Variants in MYH11 observed in about 807,000 individuals in gnomAD.
MYH11 encodes the protein myosin-11.
Under a neutral mutation model 246.6 loss-of-function variants are expected in MYH11, and 80 were observed. The observed-to-expected ratio is 0.32, with a 90% CI of 0.27 to 0.39. The LOEUF (loss-of-function observed/expected upper bound fraction) is 0.39. Ranked by LOEUF, MYH11 falls within the 10% of genes least tolerant of loss-of-function variation. The pLI, the probability that MYH11 is intolerant of heterozygous loss-of-function variation, is 1.00. For synonymous variants in MYH11, 1,071 were observed against 1,015.5 expected (o/e 1.05, Z -1.04); for missense variants, 2,158 against 2,546.8 (o/e 0.85, Z 3.29).
At chr16:15,802,070 G>A (rs939685312) in intron 3 of MYH11, among the ~76,000 whole-genome samples, 1 of 152,202 alleles carries the variant, frequency 6.6e-6, no homozygotes, top group African/African-American at 2.4e-5. Context: ...GGTTATGTTT[G>A]TGCTATGAAC....
chr16:15,760,535 A>C lies in MYH11; in HGVS notation c.1248+5T>G. ...TGGATGGATAAGTGATAAGTACATC[A>C]TTACCTGTTCTTTTGTCTGAGCTTT... On this transcript the variant is annotated splice_donor_5th_base_variant and intron_variant, in intron 11 of 40. Coordinates refer to ENST00000300036, the MANE Select transcript of MYH11 (RefSeq NM_002474.3). The C allele has an allele frequency of 6.3e-7, 1 of 1,589,436 alleles. No homozygotes were observed. Among genetic ancestry groups the C allele is most frequent in the Non-Finnish European group, 8.6e-7 (1 of 1,157,582 alleles).
chr16:15,802,310 T>G (rs1596865459), intron 3 of MYH11, among the ~76,000 whole-genome samples: 2 of 152,298 alleles, frequency 1.3e-5, no homozygotes, highest in Admixed American at 1.3e-4. Flanking sequence ...GCTCCTGGGG[T>G]GGGCACTGGC....
chr16:15,759,735 A>G lies in MYH11; in HGVS notation c.1249-7T>C, dbSNP rs370885351. The stretch of plus-strand genomic sequence containing the variant: ...CCTCTACAGCAAAGTCAGCCTGCAG[A>G]GGGCAACCAGGGGAACCCGGTTATT... On this transcript the variant is annotated splice_region_variant and splice_polypyrimidine_tract_variant and intron_variant, in intron 11 of 40. Transcript: ENST00000300036. 1.2e-5 allele frequency: 20 copies of G among 1,613,830 alleles called. No individual in the cohort carries two copies. Among genetic ancestry groups the G allele is most frequent in the Non-Finnish European group, 1.6e-5 (19 of 1,179,902 alleles).
At chr16:15,828,607 A>G (rs2151369908) in intron 2 of MYH11, among the ~76,000 whole-genome samples, 1 of 152,202 alleles carries the variant, frequency 6.6e-6, no homozygotes, top group Non-Finnish European at 1.5e-5. Context: ...AGCCTGGCCA[A>G]CATGGCAAAA....
Position 15,703,509 on chromosome 16 carries a change from G to T in MYH11, c.*482C>A. Reference sequence around the variant, plus strand: ...ATCCATTGATAGAACTGGAGGATGTGTCTGTGTTTCCTGTTGGGTTTTTCT... The same window carrying T: ...ATCCATTGATAGAACTGGAGGATGTTTCTGTGTTTCCTGTTGGGTTTTTCT... On this transcript the variant is annotated 3_prime_UTR_variant, in exon 41 of 41. Transcript: ENST00000300036. 1 of 291,002 alleles carries T rather than the reference G, an allele frequency of 3.4e-6. No homozygotes were observed. Among genetic ancestry groups the T allele is most frequent in the South Asian group, 7.1e-5 (1 of 14,128 alleles). The allele number at this position is 291,002 out of a possible 1,614,324, so 18.0% of individuals were successfully genotyped here.
intron 2 of MYH11, among the ~76,000 whole-genome samples, chr16:15,827,235 C>T (rs1007351553): frequency 2.6e-5 from 4 of 151,974 alleles, no homozygotes; most frequent in Admixed American, 6.6e-5. Flanking sequence ...TAAAACACGT[C>T]GTAAGAACAG....
chr16:15,853,395 C>T (rs1246478389), intron 1 of MYH11, among the ~76,000 whole-genome samples: 1 of 152,050 alleles, frequency 6.6e-6, no homozygotes, highest in East Asian at 1.9e-4. Flanking sequence ...CAAGCCATCC[C>T]CCCACCTCAG....
Position 15,740,240 on chromosome 16 carries a change from T to G in MYH11, c.2860-52A>C, listed in dbSNP as rs368301932. 5.0e-6 allele frequency: 8 copies of G among 1,612,560 alleles called. No homozygotes were observed. The African/African-American group carries it at 6.7e-5, about 13-fold the overall frequency. Reference sequence around the variant, plus strand: ...AGCTTTGGTTATAACAGATTTACTCTCGTGGTGATCTGGGGACTAATGAAT... The same window carrying G: ...AGCTTTGGTTATAACAGATTTACTCGCGTGGTGATCTGGGGACTAATGAAT... On this transcript the variant is annotated intron_variant, in intron 22 of 40. Coordinates refer to ENST00000300036, the MANE Select transcript of MYH11 (RefSeq NM_002474.3).
intron 27 of MYH11, among the ~76,000 whole-genome samples, chr16:15,731,024 T>C (rs1326600014): frequency 6.6e-6 from 1 of 152,130 alleles, no homozygotes; most frequent in Non-Finnish European, 1.5e-5. Context: ...AAAATCGCTA[T>C]GTTGCCCAGG....
chr16:15,735,241 A>AC, intron 26 of MYH11, 125 bp downstream of exon 26: 1 of 1,058,056 alleles, frequency 9.5e-7, no homozygotes, highest in Non-Finnish European at 1.5e-6. Context: ...GTTAAAGCAA[A>AC]CCGCGGCCAG....
intron 2 of MYH11, among the ~76,000 whole-genome samples, chr16:15,831,881 T>C (rs1025951050): frequency 1.3e-5 from 2 of 151,612 alleles, no homozygotes; most frequent in African/African-American, 4.9e-5. Context: ...GAGGTTGCAG[T>C]GAGCCAGGAT....
intron 12 of MYH11, among the ~76,000 whole-genome samples, chr16:15,758,646 A>C (rs973091821): frequency 4.3e-4 from 65 of 151,878 alleles, no homozygotes; most frequent in Admixed American, 5.2e-4. Context: ...TCTACCAAAA[A>C]AAAAAAAAAA....
intron 1 of MYH11, among the ~76,000 whole-genome samples, chr16:15,849,656 G>A (rs2044282072): frequency 6.6e-6 from 1 of 150,932 alleles, no homozygotes; most frequent in Non-Finnish European, 1.5e-5. Flanking sequence ...CTCACTTTGT[G>A]GCCCAGGCTG....
chr16:15,714,810 G>A (rs2040025021), intron 40 of MYH11, 99 bp downstream of exon 40: 5 of 1,431,602 alleles, frequency 3.5e-6, no homozygotes, highest in Non-Finnish European at 4.9e-6. Flanking sequence ...AGTGGCGGCT[G>A]TGGGCACAAG....
chr16:15,830,073 T>C lies in MYH11; in HGVS notation c.346-6662A>G, dbSNP rs952967825. 2.6e-5 allele frequency among the ~76,000 whole-genome samples: 4 copies of C among 151,836 alleles called. No individual in the cohort carries two copies. The South Asian group carries it at 6.2e-4, about 24-fold the overall frequency. On this transcript the variant is annotated intron_variant, in intron 2 of 40. Transcript: ENST00000300036. ...CTGCTTGAACTCAGGTGGCAGAGGT[T>C]GCAGTGAGCTGAGATTGTGCCACTC...
intron 1 of MYH11, among the ~76,000 whole-genome samples, chr16:15,849,623 C>T (rs190514929): frequency 1.7e-4 from 26 of 151,958 alleles, no homozygotes; most frequent in Non-Finnish European, 2.8e-4. Context: ...TTAATTCTTG[C>T]ATTTTTTTGT....
intron 7 of MYH11, among the ~76,000 whole-genome samples, chr16:15,778,042 A>G (rs756735976): frequency 4.9e-4 from 75 of 152,102 alleles, no homozygotes; most frequent in Non-Finnish European, 9.7e-4. Flanking sequence ...GGTCCTATAC[A>G]TTGCCAAGCA....
At chr16:15,831,155 G>A (rs543824185) in intron 2 of MYH11, among the ~76,000 whole-genome samples, 1 of 152,244 alleles carries the variant, frequency 6.6e-6, no homozygotes, top group South Asian at 2.1e-4. Context: ...CTGGGTGAGA[G>A]AGTGAGACTC....
chr16:15,769,900 A>G (rs900635716), intron 9 of MYH11, among the ~76,000 whole-genome samples: 20 of 152,114 alleles, frequency 1.3e-4, no homozygotes, highest in African/African-American at 3.6e-4. Context: ...GGCTCAAGCA[A>G]TCCTCTTGCC....
Sources: gnomAD v4.1 joint callset for allele counts (sites outside exome capture counted in the v4.1 genomes callset) on GRCh38, gnomAD v4.1.1 for gene constraint, MANE v1.5 for transcripts, NCBI Gene and HGNC (gene_info 2026-07-23, HGNC 2026-07-21) for gene names.